Variants in SCLT1 observed in about 807,000 individuals in gnomAD.
SCLT1 encodes the protein sodium channel and clathrin linker 1.
Under a neutral mutation model 112.8 loss-of-function variants are expected in SCLT1, and 78 were observed. That is an observed-to-expected ratio of 0.69 (90% confidence interval 0.58 to 0.83). The LOEUF (loss-of-function observed/expected upper bound fraction) is 0.83, where lower values mean the gene tolerates loss of function less well. Among genes scored for constraint, SCLT1 ranks in the 40% least tolerant of loss-of-function variants. The pLI, the probability that SCLT1 is intolerant of heterozygous loss-of-function variation, is 0.00. For synonymous variants in SCLT1, 257 were observed against 254.7 expected (o/e 1.01, Z -0.09); for missense variants, 747 against 770.4 (o/e 0.97, Z 0.36).
At chr4:128,961,503 CTTTGTTA>C (rs1739727485) in intron 11 of SCLT1, among the ~76,000 whole-genome samples, 1 of 151,714 alleles carries the variant, frequency 6.6e-6, no homozygotes, top group South Asian at 2.1e-4. Context: ...TTATAATTTT[CTTTGTTA>C]TTTGTTATTT....
intron 20 of SCLT1, among the ~76,000 whole-genome samples, chr4:128,888,130 T>A (rs921642661): frequency 1.1e-4 from 17 of 152,086 alleles, no homozygotes; most frequent in Non-Finnish European, 1.8e-4. Flanking sequence ...ATTTTAAATT[T>A]AATTTAATTT....
rs556754314 is a variant in SCLT1, at chr4:129,039,992, T to C, written c.235-896A>G. ...CTCACTTAAAACGGTAACTAATTCA[T>C]GATTGTGTATTAGTCTTGATTGTGC... On this transcript the variant is annotated intron_variant, in intron 4 of 20. Transcript: ENST00000281142. 5.3e-4 allele frequency: 289 copies of C among 549,474 alleles called. 4 individuals are homozygous for C. Among genetic ancestry groups the C allele is most frequent in the South Asian group, 3.1e-3 (133 of 42,240 alleles). The allele number at this position is 549,474 out of a possible 1,614,324, so 34.0% of individuals were successfully genotyped here. A position where few individuals can be genotyped will look rare whatever the true frequency, so the allele number is the denominator to read the frequency against.
chr4:129,041,072 C>T (rs1448661168), intron 4 of SCLT1, among the ~76,000 whole-genome samples: 1 of 152,098 alleles, frequency 6.6e-6, no homozygotes, highest in East Asian at 1.9e-4. Context: ...AATTAGCTAT[C>T]CTATAACAAC....
downstream of SCLT1, among the ~76,000 whole-genome samples, chr4:128,882,559 T>C (rs1732665383): frequency 6.6e-6 from 1 of 152,130 alleles, no homozygotes; most frequent in African/African-American, 2.4e-5. Context: ...AACTCAGTTT[T>C]TGAAAAAGGA....
chr4:129,017,690 C>A (rs2126115699), intron 5 of SCLT1, among the ~76,000 whole-genome samples: 1 of 151,872 alleles, frequency 6.6e-6, no homozygotes, highest in African/African-American at 2.4e-5. Flanking sequence ...AATGTAAGAG[C>A]CAAAGGAAAA....
intron 9 of SCLT1, among the ~76,000 whole-genome samples, chr4:128,989,268 T>G (rs1250461534): frequency 6.6e-6 from 1 of 151,990 alleles, no homozygotes; most frequent in East Asian, 1.9e-4. Context: ...GCTGAAATCA[T>G]ATAAAGTATC....
intron 9 of SCLT1, among the ~76,000 whole-genome samples, chr4:128,989,327 T>C (rs1742364589): frequency 6.6e-6 from 1 of 151,944 alleles, no homozygotes; most frequent in Non-Finnish European, 1.5e-5. Context: ...CAAGAGGAAC[T>C]TGAAAACCAC....
At chr4:129,082,277 T>A in intron 2 of SCLT1, 29 bp downstream of exon 2, 1 of 1,135,654 alleles carries the variant, frequency 8.8e-7, no homozygotes, top group Non-Finnish European at 1.2e-6. Flanking sequence ...CATGAGAATA[T>A]TCCCAAGTAG....
At chr4:128,888,477 C>T (rs1733060361) in intron 20 of SCLT1, among the ~76,000 whole-genome samples, 1 of 152,138 alleles carries the variant, frequency 6.6e-6, no homozygotes, top group Non-Finnish European at 1.5e-5. Context: ...CTAGGCCTCC[C>T]AAATTGCTGG....
At chr4:129,090,502 G>A (rs1277803394) in intron 1 of SCLT1, among the ~76,000 whole-genome samples, 1 of 152,138 alleles carries the variant, frequency 6.6e-6, no homozygotes, top group African/African-American at 2.4e-5. Context: ...AAAACTCCTA[G>A]AAGAAAATAT....
chr4:128,911,678 C>G (rs914907179), intron 18 of SCLT1, among the ~76,000 whole-genome samples: 2 of 152,156 alleles, frequency 1.3e-5, no homozygotes, highest in Non-Finnish European at 2.9e-5. Flanking sequence ...TACTGGTAAT[C>G]ATATTTAATT....
chr4:129,052,514 T>C (rs1017030043), intron 2 of SCLT1, among the ~76,000 whole-genome samples: 3 of 152,178 alleles, frequency 2.0e-5, no homozygotes, highest in African/African-American at 2.4e-5. Flanking sequence ...TTTTTTTGTA[T>C]AGAGATGTTT....
chr4:128,916,459 C>T (rs1735481249), intron 18 of SCLT1, among the ~76,000 whole-genome samples: 1 of 152,054 alleles, frequency 6.6e-6, no homozygotes, highest in Admixed American at 6.5e-5. Context: ...TTATACTTGA[C>T]CCAAAATATC....
chr4:129,093,228 AATC>A lies in SCLT1; in HGVS notation c.-128_-126del. On this transcript the variant is annotated 5_prime_UTR_variant, in exon 1 of 21. The change creates a new upstream start codon in the 5' untranslated region. Transcript: ENST00000281142. ...TGGTTGTCAAGCGCTCCAGCGGTGC[AATC>A]TGCATCCTACTCACGCGGCATCTAC... is the stretch of plus-strand genomic sequence containing the variant. The A allele has an allele frequency of 1.2e-6, 1 of 830,956 alleles. No homozygotes were observed. The highest frequency in any genetic ancestry group is 1.4e-5 in the South Asian group (1 of 72,036). 51.5% of individuals were successfully genotyped at this position (830,956 alleles called of 1,614,324 possible). A position where few individuals can be genotyped will look rare whatever the true frequency, so the allele number is the denominator to read the frequency against.
chr4:129,020,356 C>A (rs187492625), intron 5 of SCLT1, among the ~76,000 whole-genome samples: 106 of 152,280 alleles, frequency 7.0e-4, no homozygotes, highest in Non-Finnish European at 1.1e-3. Flanking sequence ...TTGCCCAGAG[C>A]CCATGGCTCT....
chr4:128,994,818 C>G (rs73847349), intron 8 of SCLT1, among the ~76,000 whole-genome samples: 1 of 152,048 alleles, frequency 6.6e-6, no homozygotes, highest in African/African-American at 2.4e-5. Context: ...TGGAAAAATA[C>G]CTATTTAAGT....
intron 20 of SCLT1, among the ~76,000 whole-genome samples, chr4:128,886,044 G>C (rs1732869188): frequency 6.6e-6 from 1 of 151,952 alleles, no homozygotes; most frequent in Non-Finnish European, 1.5e-5. Context: ...TTCTCGGTTT[G>C]TCACTGACTT....
intron 5 of SCLT1, among the ~76,000 whole-genome samples, chr4:129,007,577 T>A (rs1352242205): frequency 1.3e-5 from 2 of 152,192 alleles, no homozygotes; most frequent in African/African-American, 2.4e-5. Context: ...TTCCATGGTA[T>A]ACATATTTTC....
intron 5 of SCLT1, among the ~76,000 whole-genome samples, chr4:129,014,345 T>C (rs1465372259): frequency 6.6e-6 from 1 of 152,176 alleles, no homozygotes; most frequent in Non-Finnish European, 1.5e-5. Context: ...GAACCCTTTC[T>C]GTATAGGCAA....
Sources: gnomAD v4.1 joint callset for allele counts (sites outside exome capture counted in the v4.1 genomes callset) on GRCh38, gnomAD v4.1.1 for gene constraint, MANE v1.5 for transcripts, NCBI Gene and HGNC (gene_info 2026-07-23, HGNC 2026-07-21) for gene names.